Variants in PCBD2 observed in about 807,000 individuals in gnomAD.
PCBD2 encodes the protein pterin-4-alpha-carbinolamine dehydratase 2.
A neutral mutation model predicts 16.4 loss-of-function variants in PCBD2; 12 were observed. That is an observed-to-expected ratio of 0.73 (90% CI 0.47 to 1.19). The LOEUF is 1.19. Ranked by LOEUF, PCBD2 falls within the 50% of genes most tolerant of loss-of-function variation. The probability of loss-of-function intolerance (pLI) is 0.00; values close to 1 mark genes in which losing one functional copy is unlikely to be tolerated. For synonymous variants in PCBD2, 58 were observed against 61.8 expected (o/e 0.94, Z 0.29); for missense variants, 138 against 156.8 (o/e 0.88, Z 0.64).
intron 1 of PCBD2, among the ~76,000 whole-genome samples, chr5:134,909,274 GA>G (rs1343557122): frequency 5.3e-5 from 8 of 152,158 alleles, no homozygotes; most frequent in Admixed American, 6.5e-5. Context: ...GGTGCTCTGA[GA>G]AGAGGGCTTC....
At chr5:134,923,847 T>C (rs1580882045) in intron 2 of PCBD2, 1 of 394,178 alleles carries the variant, frequency 2.5e-6, no homozygotes, top group East Asian at 3.6e-5. Context: ...TCGGGTGATA[T>C]GGGCGATCGA....
intron 1 of PCBD2, among the ~76,000 whole-genome samples, chr5:134,907,290 A>G (rs1263634000): frequency 2.0e-5 from 3 of 152,204 alleles, no homozygotes; most frequent in Non-Finnish European, 4.4e-5. Flanking sequence ...TGTTGCCCAG[A>G]CTGGAGTGCA....
At chr5:134,931,233 T>C (rs1751091217) in intron 2 of PCBD2, among the ~76,000 whole-genome samples, 1 of 152,070 alleles carries the variant, frequency 6.6e-6, no homozygotes, top group Admixed American at 6.6e-5. Context: ...CATAACTTGG[T>C]GGTGTGCTAT....
chr5:134,943,019 C>T (rs184768244), intron 2 of PCBD2, among the ~76,000 whole-genome samples: 27 of 152,278 alleles, frequency 1.8e-4, no homozygotes, highest in East Asian at 5.8e-4. Flanking sequence ...GGTTTTAGTA[C>T]GGTCAGTTCT....
chr5:134,932,497 A>G (rs1242758311), intron 2 of PCBD2, among the ~76,000 whole-genome samples: 1 of 152,020 alleles, frequency 6.6e-6, no homozygotes, highest in Non-Finnish European at 1.5e-5. Flanking sequence ...ATGCGCCACC[A>G]CGCTCAGCTA....
At chr5:134,917,877 G>T (rs189926303) in intron 2 of PCBD2, among the ~76,000 whole-genome samples, 1 of 151,726 alleles carries the variant, frequency 6.6e-6, no homozygotes, top group Non-Finnish European at 1.5e-5. Flanking sequence ...TACTTTTGCT[G>T]CCTTACTTTA....
In PCBD2 at chr5:134,917,177, G is replaced by A. The variant is rs542216598; in HGVS notation, c.216+6711G>A. 3.3e-5 allele frequency among the ~76,000 whole-genome samples: 5 copies of A among 152,334 alleles called. No homozygotes were observed. The East Asian group carries it at 7.7e-4, about 24-fold the overall frequency. On this transcript the variant is annotated intron_variant, in intron 2 of 3. Coordinates refer to ENST00000254908, the MANE Select transcript of PCBD2 (RefSeq NM_032151.5). ...GATGAACTGGAAGCTTACAAAATCC[G>A]AGGAGATTTTAAGTTTAAAAGTAGG...
chr5:134,958,474 C>T (rs1381284045), intron 2 of PCBD2, among the ~76,000 whole-genome samples: 1 of 152,204 alleles, frequency 6.6e-6, no homozygotes, highest in African/African-American at 2.4e-5. Flanking sequence ...AGCAGGCAAG[C>T]TGGGCTTCTG....
chr5:134,944,293 C>T (rs1045222727), intron 2 of PCBD2, among the ~76,000 whole-genome samples: 10 of 152,100 alleles, frequency 6.6e-5, no homozygotes, highest in Non-Finnish European at 1.0e-4. Context: ...TTGAAATCTG[C>T]CTATGCAGTT....
chr5:134,954,985 G>A (rs182753020), intron 2 of PCBD2, among the ~76,000 whole-genome samples: 3 of 151,924 alleles, frequency 2.0e-5, no homozygotes, highest in Admixed American at 6.6e-5. Flanking sequence ...CAAGTGATGC[G>A]CCTGCCTCGG....
intron 2 of PCBD2, among the ~76,000 whole-genome samples, chr5:134,953,455 A>G (rs1468123624): frequency 6.6e-6 from 1 of 151,234 alleles, no homozygotes; most frequent in African/African-American, 2.4e-5. Flanking sequence ...GGTATCTACA[A>G]GATCCTATAA....
intron 2 of PCBD2, among the ~76,000 whole-genome samples, chr5:134,953,313 G>T (rs1751379231): frequency 6.7e-6 from 1 of 149,586 alleles, no homozygotes; most frequent in East Asian, 1.9e-4. Flanking sequence ...TTTGATTCTT[G>T]TGGATACTAT....
chr5:134,942,754 T>G (rs1751244712), intron 2 of PCBD2, among the ~76,000 whole-genome samples: 1 of 152,082 alleles, frequency 6.6e-6, no homozygotes, highest in Non-Finnish European at 1.5e-5. Flanking sequence ...CACTGTGCTG[T>G]GTGATTGGTT....
chr5:134,950,841 T>A (rs1196299954), intron 2 of PCBD2, among the ~76,000 whole-genome samples: 1 of 152,220 alleles, frequency 6.6e-6, no homozygotes, highest in African/African-American at 2.4e-5. Flanking sequence ...TGGCCATATG[T>A]TTGTTTGAAA....
chr5:134,945,973 T>C (rs17167727), intron 2 of PCBD2, among the ~76,000 whole-genome samples: 8,671 of 152,162 alleles, frequency 0.057, 491 homozygotes, highest in African/African-American at 0.15. Flanking sequence ...ACTTTGTCTT[T>C]GATACCAAAA....
At chr5:134,922,895 C>T (rs1750921879) in intron 2 of PCBD2, among the ~76,000 whole-genome samples, 1 of 152,058 alleles carries the variant, frequency 6.6e-6, no homozygotes, top group African/African-American at 2.4e-5. Context: ...CCAGGATGGT[C>T]TCGATCTCCT....
chr5:134,918,448 T>G (rs574708446), intron 2 of PCBD2, among the ~76,000 whole-genome samples: 2 of 152,152 alleles, frequency 1.3e-5, no homozygotes, highest in Non-Finnish European at 2.9e-5. Flanking sequence ...GAGGTTGCAG[T>G]GAGCAGAGAT....
At chr5:134,946,628 C>G (rs1751298547) in intron 2 of PCBD2, among the ~76,000 whole-genome samples, 1 of 152,162 alleles carries the variant, frequency 6.6e-6, no homozygotes, top group Admixed American at 6.5e-5. Flanking sequence ...TTTAGAACAT[C>G]AGATATTTTG....
chr5:134,940,748 T>C, intron 2 of PCBD2, among the ~76,000 whole-genome samples: 1 of 152,198 alleles, frequency 6.6e-6, no homozygotes, highest in East Asian at 1.9e-4. Context: ...TGAGTGGCCC[T>C]CTTTTGGACA....
Sources: gnomAD v4.1 joint callset for allele counts (sites outside exome capture counted in the v4.1 genomes callset) on GRCh38, gnomAD v4.1.1 for gene constraint, MANE v1.5 for transcripts, NCBI Gene and HGNC (gene_info 2026-07-23, HGNC 2026-07-21) for gene names.